The following VAV2 variants were observed in gnomAD, a reference collection of about 807,000 sequenced individuals.
The protein encoded by VAV2 is vav guanine nucleotide exchange factor 2, also known as guanine nucleotide exchange factor VAV2.
VAV2 carries 67 observed loss-of-function variants against 132.5 expected under a neutral mutation model. The ratio of observed to expected loss-of-function variants is 0.51; its 90% CI spans 0.42 to 0.62. The LOEUF (loss-of-function observed/expected upper bound fraction) is 0.62, where lower values mean the gene tolerates loss of function less well. Among genes scored for constraint, VAV2 ranks in the 20% least tolerant of loss-of-function variants. VAV2 has a pLI of 0.00. For missense variants in VAV2, 938 were observed against 1,153.6 expected (o/e 0.81, Z 2.71); for synonymous variants, 492 against 443.5 (o/e 1.11, Z -1.37).
At position 133,769,332 on chromosome 9, in the gene VAV2, T is replaced by C; in HGVS notation, c.2434+85A>G. On this transcript the variant is annotated intron_variant, in intron 28 of 29. Transcript: ENST00000371850. This position sits in a 1 kb window ranked among gnomAD's most constrained non-coding sequence, Gnocchi z 8.1. ...ACTGTGGCCACGTCAGGCAGGGCTGTGGGGCCAGTGGGCAGCTCCGTGCTG... is the reference window on the plus strand; with the variant it reads ...ACTGTGGCCACGTCAGGCAGGGCTGCGGGGCCAGTGGGCAGCTCCGTGCTG... 17 of 1,403,092 alleles carry C rather than the reference T, an allele frequency of 1.2e-5. No individual in the cohort carries two copies. The highest frequency in any genetic ancestry group is 1.6e-5 in the Non-Finnish European group (17 of 1,031,316). The allele number at this position is 1,403,092 out of a possible 1,614,324, so 86.9% of individuals were successfully genotyped here.
intron 2 of VAV2, among the ~76,000 whole-genome samples, chr9:133,907,573 C>T (rs1839704272): frequency 1.3e-5 from 2 of 152,188 alleles, no homozygotes; most frequent in Non-Finnish European, 2.9e-5. Flanking sequence ...GGAAAGCCCC[C>T]TGGGAGATGT....
intron 4 of VAV2, among the ~76,000 whole-genome samples, chr9:133,832,746 A>G (rs971425559): frequency 6.6e-6 from 1 of 152,100 alleles, no homozygotes; most frequent in Non-Finnish European, 1.5e-5. Flanking sequence ...TTTAGTAGAG[A>G]CAGGGTTTCA....
chr9:133,937,051 T>A (rs575051677), intron 2 of VAV2, among the ~76,000 whole-genome samples: 12 of 152,350 alleles, frequency 7.9e-5, no homozygotes, highest in African/African-American at 2.9e-4. Flanking sequence ...CCATAGCAAA[T>A]TAAAAGCAAA....
At chr9:133,982,445 T>C (rs563331785) in intron 1 of VAV2, among the ~76,000 whole-genome samples, 3 of 123,138 alleles carry the variant, frequency 2.4e-5, no homozygotes, top group Admixed American at 8.1e-5. Flanking sequence ...GGACGGGGCA[T>C]GGCAGACTCT....
chr9:133,778,780 A>G lies in VAV2; in HGVS notation c.1872T>C (p.Pro624=). The G allele has an allele frequency of 6.2e-7, 1 of 1,612,820 alleles. No individual in the cohort carries two copies. The highest frequency in any genetic ancestry group is 8.5e-7 in the Non-Finnish European group (1 of 1,179,970). Residue 624 remains proline, a synonymous_variant, in exon 22 of 30, where the codon CCT becomes CCC. Coordinates refer to ENST00000371850, the MANE Select transcript of VAV2 (RefSeq NM_001134398.2). Reference sequence around the variant, plus strand: ...GACCCACCTCCCACCACGGAGACTCAGGGTCGCCCCTCAGCAGCTCAAGCA... The same window carrying G: ...GACCCACCTCCCACCACGGAGACTCGGGGTCGCCCCTCAGCAGCTCAAGCA... ...GDVLELLRGD[P]ESPWWEGRLV...
At position 133,841,024 on chromosome 9, in the gene VAV2, C is replaced by T. The variant is rs549346757; in HGVS notation, c.381-6684G>A. Reference sequence around the variant, plus strand: ...GCTTTCTTGGAGGGCCCTGAGGAGCCGGCAGCCAGATTTGGTTTTTAAGAC... The same window carrying T: ...GCTTTCTTGGAGGGCCCTGAGGAGCTGGCAGCCAGATTTGGTTTTTAAGAC... On this transcript the variant is annotated intron_variant, in intron 3 of 29. Transcript: ENST00000371850. 2.6e-4 allele frequency among the ~76,000 whole-genome samples: 39 copies of T among 152,170 alleles called. No homozygotes were observed. In the South Asian group the frequency reaches 5.8e-3, roughly 23 times the overall value.
At chr9:133,924,061 A>G (rs901938404) in intron 2 of VAV2, among the ~76,000 whole-genome samples, 2 of 152,208 alleles carry the variant, frequency 1.3e-5, no homozygotes, top group Non-Finnish European at 2.9e-5. Context: ...TGATGGGTGT[A>G]GCAAACCAAC....
At chr9:133,970,091 C>T (rs952547465) in intron 1 of VAV2, among the ~76,000 whole-genome samples, 8 of 152,164 alleles carry the variant, frequency 5.3e-5, no homozygotes, top group African/African-American at 1.9e-4. Context: ...CCTGCCCACT[C>T]AACAGCTCCC....
intron 25 of VAV2, among the ~76,000 whole-genome samples, chr9:133,773,494 T>C (rs1833708509): frequency 6.6e-6 from 1 of 152,254 alleles, no homozygotes; most frequent in Admixed American, 6.5e-5. Context: ...AAACATTCTT[T>C]CTTCAATCGT....
At chr9:133,803,955 G>T (rs1390220893) in intron 9 of VAV2, among the ~76,000 whole-genome samples, 2 of 152,058 alleles carry the variant, frequency 1.3e-5, no homozygotes, top group African/African-American at 4.8e-5. Flanking sequence ...GTGCTCAGGG[G>T]GACACGTCCT....
intron 1 of VAV2, among the ~76,000 whole-genome samples, chr9:133,990,420 C>A (rs1225652634): frequency 6.6e-6 from 1 of 152,148 alleles, no homozygotes; most frequent in African/African-American, 2.4e-5. Flanking sequence ...ACAGCCACGG[C>A]CCCCTCCTCT....
At chr9:133,932,191 C>A (rs150496690) in intron 2 of VAV2, among the ~76,000 whole-genome samples, 1 of 152,332 alleles carries the variant, frequency 6.6e-6, no homozygotes. Context: ...GAGCTGGCGA[C>A]CCATGGGCTT....
At chr9:133,930,928 T>G (rs976319400) in intron 2 of VAV2, among the ~76,000 whole-genome samples, 3 of 152,154 alleles carry the variant, frequency 2.0e-5, no homozygotes, top group African/African-American at 7.2e-5. Flanking sequence ...CCTCCCAAAA[T>G]GCTTTAATGA....
chr9:133,910,086 C>A (rs755633174), intron 2 of VAV2, among the ~76,000 whole-genome samples: 2 of 152,194 alleles, frequency 1.3e-5, no homozygotes, highest in South Asian at 2.1e-4. Flanking sequence ...TCTGAAAAGT[C>A]GGCTTCAATG....
chr9:133,887,496 AC>A (rs1838759999), intron 2 of VAV2, among the ~76,000 whole-genome samples: 1 of 106,900 alleles, frequency 9.4e-6, no homozygotes, highest in Non-Finnish European at 1.9e-5. Context: ...ACCCTACCCC[AC>A]CCCACAAAAT....
At chr9:133,844,448 C>T (rs965218772) in intron 3 of VAV2, among the ~76,000 whole-genome samples, 29 of 152,332 alleles carry the variant, frequency 1.9e-4, no homozygotes, top group Non-Finnish European at 2.9e-4. Context: ...CATCAGAGAA[C>T]GGGGCTGAGG....
intron 2 of VAV2, among the ~76,000 whole-genome samples, chr9:133,933,758 A>ATGGATGGG (rs573277101): frequency 7.8e-6 from 1 of 128,424 alleles, no homozygotes; most frequent in African/African-American, 2.8e-5. Context: ...GGATGGATGA[A>ATGGATGGG]TGGATGGGTG....
intron 2 of VAV2, among the ~76,000 whole-genome samples, chr9:133,889,860 G>A (rs1838861571): frequency 6.6e-6 from 1 of 152,182 alleles, no homozygotes; most frequent in Non-Finnish European, 1.5e-5. Flanking sequence ...TCGATACAAG[G>A]CTGAAGACCC....
intron 3 of VAV2, among the ~76,000 whole-genome samples, chr9:133,851,800 A>AATGGATGG (rs141641770): frequency 0.029 from 4,054 of 138,072 alleles, 83 homozygotes; most frequent in African/African-American, 0.066. Flanking sequence ...TGGGTGAATA[A>AATGGATGG]ATGGATGGAT....
Sources: allele counts gnomAD v4.1 joint callset (sites outside exome capture counted in the v4.1 genomes callset), GRCh38; gene constraint gnomAD v4.1.1; non-coding constraint Gnocchi (gnomAD v3.1); transcripts MANE v1.5; gene names NCBI Gene and HGNC (gene_info 2026-07-23, HGNC 2026-07-21).